Variants in DLG2 observed in about 807,000 individuals in gnomAD.
DLG2 encodes the protein disks large homolog 2.
Under a neutral mutation model 132.5 loss-of-function variants are expected in DLG2, and 45 were observed. That is an observed-to-expected ratio of 0.34 (90% CI 0.27 to 0.44). DLG2 has a LOEUF of 0.44. DLG2 is among the 20% of genes least tolerant of loss of function. The probability of loss-of-function intolerance (pLI) is 1.00; values close to 1 mark genes in which losing one functional copy is unlikely to be tolerated. For missense variants in DLG2, 1,045 were observed against 1,196.9 expected, an observed-to-expected ratio of 0.87 and a Z score of 1.87; for synonymous variants, 424 against 419.6, an observed-to-expected ratio of 1.01 and a Z score of -0.13.
chr11:85,549,266 G>A (rs2076520858), intron 3 of DLG2, among the ~76,000 whole-genome samples: 1 of 152,088 alleles, frequency 6.6e-6, no homozygotes, highest in Non-Finnish European at 1.5e-5. Flanking sequence ...TCCCGGATGA[G>A]GTGACGCCCC....
At chr11:85,369,366 T>G (rs978974290) in intron 3 of DLG2, among the ~76,000 whole-genome samples, 1 of 152,122 alleles carries the variant, frequency 6.6e-6, no homozygotes. Context: ...TTTCTCCTGG[T>G]GGAGGAACCA....
intron 3 of DLG2, among the ~76,000 whole-genome samples, chr11:85,523,980 C>T (rs1224418940): frequency 2.0e-5 from 3 of 152,160 alleles, no homozygotes; most frequent in Admixed American, 6.5e-5. Context: ...ATAAGCCAGG[C>T]ACTGAAAGAC....
At chr11:84,402,881 C>CAAAAAAAGAAAAAAAAA (rs2098835075) in intron 7 of DLG2, among the ~76,000 whole-genome samples, 1 of 73,914 alleles carries the variant, frequency 1.4e-5, no homozygotes, top group Non-Finnish European at 2.4e-5. Context: ...AACTCCGTCT[C>CAAAAAAAGAAAAAAAAA]AAAAAAAAAA....
At chr11:85,108,269 C>G (rs904533754) in intron 6 of DLG2, among the ~76,000 whole-genome samples, 2 of 151,892 alleles carry the variant, frequency 1.3e-5, no homozygotes, top group Admixed American at 6.6e-5. Flanking sequence ...AAGAATAGGA[C>G]AGTGGAGAAA....
intron 7 of DLG2, among the ~76,000 whole-genome samples, chr11:84,315,034 C>T (rs1488634527): frequency 2.6e-5 from 4 of 152,044 alleles, no homozygotes; most frequent in Non-Finnish European, 5.9e-5. Context: ...GCCAATAATA[C>T]AGTACATGTG....
At chr11:85,105,079 A>C (rs1009866444) in intron 6 of DLG2, among the ~76,000 whole-genome samples, 4 of 151,830 alleles carry the variant, frequency 2.6e-5, no homozygotes, top group African/African-American at 7.2e-5. Flanking sequence ...TCCTCCACTT[A>C]GTTTCTCAGA....
At chr11:84,480,456 A>G (rs1225915447) in intron 7 of DLG2, among the ~76,000 whole-genome samples, 1 of 152,160 alleles carries the variant, frequency 6.6e-6, no homozygotes, top group Non-Finnish European at 1.5e-5. Flanking sequence ...AAATCAGATA[A>G]GAAGAGCTGG....
intron 18 of DLG2, among the ~76,000 whole-genome samples, chr11:83,638,747 G>A (rs1185794769): frequency 6.6e-6 from 1 of 152,100 alleles, no homozygotes; most frequent in East Asian, 1.9e-4. Flanking sequence ...CAACCACTCA[G>A]GGTACTCTCA....
intron 14 of DLG2, among the ~76,000 whole-genome samples, chr11:83,950,768 C>G (rs1207350151): frequency 6.6e-6 from 1 of 152,118 alleles, no homozygotes; most frequent in Non-Finnish European, 1.5e-5. Context: ...TCCTATTGTT[C>G]TTTTCCAATC....
intron 7 of DLG2, among the ~76,000 whole-genome samples, chr11:84,324,639 T>A (rs972432029): frequency 1.1e-4 from 16 of 152,164 alleles, no homozygotes; most frequent in African/African-American, 3.6e-4. Flanking sequence ...AATATGGACA[T>A]TTTAACAATA....
chr11:85,371,572 G>A (rs575841166), intron 3 of DLG2, among the ~76,000 whole-genome samples: 10 of 152,296 alleles, frequency 6.6e-5, no homozygotes, highest in East Asian at 1.9e-4. Context: ...GTATGCTTCC[G>A]TTTGAGGAGT....
intron 17 of DLG2, chr11:83,791,052 T>C (rs138441000): frequency 2.8e-6 from 2 of 721,572 alleles, no homozygotes; most frequent in African/African-American, 1.8e-5. Flanking sequence ...CTGAAGGTCG[T>C]GGAAATCCTT....
chr11:84,283,395 G>A (rs1413784224), intron 7 of DLG2, among the ~76,000 whole-genome samples: 1 of 152,188 alleles, frequency 6.6e-6, no homozygotes, highest in Admixed American at 6.5e-5. Flanking sequence ...AGGATTAAAT[G>A]AGTTAATATT....
intron 6 of DLG2, among the ~76,000 whole-genome samples, chr11:84,636,041 G>C (rs142317545): frequency 0.012 from 1,889 of 152,312 alleles, 19 homozygotes; most frequent in South Asian, 0.05. Context: ...ACATTGTTTG[G>C]GAGGAACCAT....
intron 4 of DLG2, among the ~76,000 whole-genome samples, chr11:85,248,611 GAAGA>G (rs968000819): frequency 5.9e-5 from 9 of 151,956 alleles, no homozygotes; most frequent in African/African-American, 2.2e-4. Context: ...GTAGGGATGA[GAAGA>G]AAGAAACAAA....
intron 18 of DLG2, among the ~76,000 whole-genome samples, chr11:83,756,097 A>C (rs1245816810): frequency 6.6e-6 from 1 of 151,442 alleles, no homozygotes; most frequent in African/African-American, 2.5e-5. Flanking sequence ...GAGCCAAAAG[A>C]ATAGTTTCCG....
chr11:83,914,487 A>C (rs896162872), intron 15 of DLG2, among the ~76,000 whole-genome samples: 2 of 152,184 alleles, frequency 1.3e-5, no homozygotes, highest in African/African-American at 4.8e-5. Flanking sequence ...GATTCCTCCT[A>C]CTGATTTGCC....
At chr11:85,290,728 T>C (rs2078841275) in intron 3 of DLG2, among the ~76,000 whole-genome samples, 1 of 152,088 alleles carries the variant, frequency 6.6e-6, no homozygotes, top group East Asian at 1.9e-4. Flanking sequence ...TAGGATCCAT[T>C]AAAACAAAAA....
At chr11:83,982,225 T>A (rs1330829858) in intron 11 of DLG2, among the ~76,000 whole-genome samples, 1 of 152,016 alleles carries the variant, frequency 6.6e-6, no homozygotes, top group African/African-American at 2.4e-5. Context: ...AGTGTACCCC[T>A]CTCCTTATTA....
Sources: allele counts gnomAD v4.1 joint callset (sites outside exome capture counted in the v4.1 genomes callset), GRCh38; gene constraint gnomAD v4.1.1; transcripts MANE v1.5; gene names NCBI Gene and HGNC (gene_info 2026-07-23, HGNC 2026-07-21).